The following TMEM117 variants were observed in gnomAD, a reference collection of about 807,000 sequenced individuals.
TMEM117 encodes transmembrane protein 117.
TMEM117 carries 27 observed loss-of-function variants against 52.4 expected under a neutral mutation model. The observed-to-expected ratio is 0.51, with a 90% CI of 0.38 to 0.71. The LOEUF is 0.71. TMEM117 is among the 30% of genes least tolerant of loss of function. The pLI is 0.00. For synonymous variants in TMEM117, 215 were observed against 206.3 expected, an observed-to-expected ratio of 1.04 and a Z score of -0.36; for missense variants, 556 against 630.5, an observed-to-expected ratio of 0.88 and a Z score of 1.26.
At chr12:44,287,133 C>G (rs1399524445) in intron 5 of TMEM117, among the ~76,000 whole-genome samples, 1 of 152,196 alleles carries the variant, frequency 6.6e-6, no homozygotes, top group Non-Finnish European at 1.5e-5. Context: ...GTTAACCCTT[C>G]TTAGTCTCAC....
intron 3 of TMEM117, among the ~76,000 whole-genome samples, chr12:44,088,852 C>T (rs1322771576): frequency 6.6e-6 from 1 of 152,186 alleles, no homozygotes; most frequent in Non-Finnish European, 1.5e-5. Context: ...ACTGTTGCCT[C>T]CAGCACTAGA....
At chr12:44,231,342 T>C (rs1386129352) in intron 5 of TMEM117, among the ~76,000 whole-genome samples, 1 of 151,904 alleles carries the variant, frequency 6.6e-6, no homozygotes, top group Non-Finnish European at 1.5e-5. Flanking sequence ...TGCATTGTAT[T>C]ACATTGTATG....
intron 3 of TMEM117, among the ~76,000 whole-genome samples, chr12:43,975,054 A>C (rs1945650914): frequency 3.3e-5 from 5 of 152,128 alleles, no homozygotes; most frequent in Admixed American, 3.3e-4. Flanking sequence ...TCTCACAAAT[A>C]TCCTGCCTTG....
chr12:44,243,793 C>A (rs889613735), intron 5 of TMEM117, among the ~76,000 whole-genome samples: 9 of 151,692 alleles, frequency 5.9e-5, no homozygotes, highest in Non-Finnish European at 1.3e-4. Flanking sequence ...CCCCCACCCT[C>A]CCACCTCTGG....
At chr12:44,131,509 A>G (rs1948413523) in intron 3 of TMEM117, among the ~76,000 whole-genome samples, 2 of 152,142 alleles carry the variant, frequency 1.3e-5, no homozygotes, top group African/African-American at 4.8e-5. Context: ...GAGTTTGCTC[A>G]TCCTCTTATT....
chr12:44,253,876 A>ACACC (rs1008490872), intron 5 of TMEM117, among the ~76,000 whole-genome samples: 3 of 143,288 alleles, frequency 2.1e-5, no homozygotes, highest in African/African-American at 5.4e-5. Context: ...ACACACACAC[A>ACACC]CCTTCTCTCT....
rs1951918957 is a variant in TMEM117 at position 44,374,855 on chromosome 12, C to T, written c.769-1740C>T. Among the ~76,000 whole-genome samples, 10 of 152,222 alleles carry T rather than the reference C, an allele frequency of 6.6e-5. 1 individual carries two copies. In the South Asian group the frequency reaches 2.1e-3, roughly 32 times the overall value. On this transcript the variant is annotated intron_variant, in intron 6 of 7. Coordinates refer to ENST00000266534, the MANE Select transcript of TMEM117 (RefSeq NM_032256.3). Reference sequence around the variant, plus strand: ...ATTACTACCAAGAAATCTTCTCCTCCTTAAACCCAGAAATAAAAAGAGAAG... The same window carrying T: ...ATTACTACCAAGAAATCTTCTCCTCTTTAAACCCAGAAATAAAAAGAGAAG...
At chr12:44,301,136 C>T (rs1332526083) in intron 6 of TMEM117, among the ~76,000 whole-genome samples, 1 of 152,188 alleles carries the variant, frequency 6.6e-6, no homozygotes, top group East Asian at 1.9e-4. Flanking sequence ...TGCTTACATT[C>T]ATATATTTGA....
chr12:44,151,990 C>T (rs1948735674), intron 4 of TMEM117, among the ~76,000 whole-genome samples: 1 of 112,840 alleles, frequency 8.9e-6, no homozygotes, highest in Non-Finnish European at 1.7e-5. Flanking sequence ...TATATATAAA[C>T]ATTATTATAA....
At chr12:43,964,076 A>G (rs955058057) in intron 3 of TMEM117, among the ~76,000 whole-genome samples, 4 of 152,046 alleles carry the variant, frequency 2.6e-5, no homozygotes, top group Non-Finnish European at 5.9e-5. Context: ...CTCTCACTAC[A>G]TTTTCATTGT....
chr12:44,135,326 T>G (rs934371525), intron 3 of TMEM117, among the ~76,000 whole-genome samples: 4 of 152,188 alleles, frequency 2.6e-5, no homozygotes, highest in Non-Finnish European at 5.9e-5. Flanking sequence ...TGCTATTTTC[T>G]TTCCCTTGAG....
intron 6 of TMEM117, among the ~76,000 whole-genome samples, chr12:44,319,191 G>A (rs1951099035): frequency 6.6e-6 from 1 of 152,148 alleles, no homozygotes; most frequent in Admixed American, 6.5e-5. Context: ...CCATGCTGCT[G>A]GGTTGTCAAA....
chr12:44,128,353 C>G (rs1387867297), intron 3 of TMEM117, among the ~76,000 whole-genome samples: 2 of 152,232 alleles, frequency 1.3e-5, no homozygotes, highest in Non-Finnish European at 2.9e-5. Context: ...TCTCTCATCC[C>G]CACTTCCTCT....
the TMEM117 span, chr12:43,804,499 T>C: frequency 1.3e-6 from 2 of 1,583,224 alleles, no homozygotes; most frequent in South Asian, 2.3e-5. Flanking sequence ...ACTAACCATT[T>C]TCAATAGATA....
intron 3 of TMEM117, among the ~76,000 whole-genome samples, chr12:43,986,016 C>T (rs1434407040): frequency 6.6e-6 from 1 of 152,090 alleles, no homozygotes; most frequent in Non-Finnish European, 1.5e-5. Context: ...TTTGGTCACA[C>T]ATTTTATTGG....
chr12:43,898,913 C>G lies in TMEM117; in HGVS notation c.278-45297C>G, dbSNP rs921287762. 3.3e-5 allele frequency among the ~76,000 whole-genome samples: 5 copies of G among 152,170 alleles called. No individual in the cohort carries two copies. In the South Asian group the frequency reaches 1.0e-3, roughly 32 times the overall value. On this transcript the variant is annotated intron_variant, in intron 2 of 7. Transcript: ENST00000266534. ...ACCGATCTGACAGACTTGAGAACTT[C>G]CAGATTCTTACTTCAGCCAAGAAAG...
chr12:44,033,142 G>A (rs902751226), intron 3 of TMEM117, among the ~76,000 whole-genome samples: 1 of 152,142 alleles, frequency 6.6e-6, no homozygotes, highest in African/African-American at 2.4e-5. Context: ...TGACCCTCTG[G>A]TTGTCCTCAC....
At position 44,376,728 on chromosome 12, in the gene TMEM117, T is replaced by C; in HGVS notation, c.898+4T>C. On this transcript the variant is annotated splice_donor_region_variant and intron_variant, in intron 7 of 7. Transcript: ENST00000266534. ...GAATATCGTATTCACATAACAGGTG[T>C]GTTATATCTTTGAACACAATTTGAT... 6.3e-7 allele frequency: 1 copy of C among 1,590,138 alleles called. No homozygotes were observed. Among genetic ancestry groups the C allele is most frequent in the Non-Finnish European group, 8.5e-7 (1 of 1,172,370 alleles).
At chr12:44,104,710 T>C (rs761008594) in intron 3 of TMEM117, among the ~76,000 whole-genome samples, 12 of 152,002 alleles carry the variant, frequency 7.9e-5, no homozygotes, top group Non-Finnish European at 1.5e-5. Context: ...TGAATGTCTT[T>C]ATTCTCATTC....
Sources: allele counts gnomAD v4.1 joint callset (sites outside exome capture counted in the v4.1 genomes callset), GRCh38; gene constraint gnomAD v4.1.1; transcripts MANE v1.5; gene names NCBI Gene and HGNC (gene_info 2026-07-23, HGNC 2026-07-21).